Variants in TEAD1 observed in about 807,000 individuals in gnomAD.
TEAD1 encodes transcriptional enhancer factor TEF-1.
Under a neutral mutation model 54.9 loss-of-function variants are expected in TEAD1, and 9 were observed. The ratio of observed to expected loss-of-function variants is 0.16; its 90% confidence interval spans 0.10 to 0.29. TEAD1 has a LOEUF of 0.29. Ranked by LOEUF, TEAD1 falls within the 10% of genes least tolerant of loss-of-function variation. TEAD1 has a pLI of 1.00. For synonymous variants in TEAD1, 200 were observed against 187.8 expected, an observed-to-expected ratio of 1.07 and a Z score of -0.53; for missense variants, 387 against 535.9, an observed-to-expected ratio of 0.72 and a Z score of 2.74.
intron 12 of TEAD1, among the ~76,000 whole-genome samples, chr11:12,933,625 C>T (rs550460023): frequency 1.7e-4 from 26 of 152,138 alleles, no homozygotes; most frequent in East Asian, 3.9e-4. Flanking sequence ...AGTGTGGAAT[C>T]GCAGATTGGG....
rs1737814733 is a variant in TEAD1 at position 12,883,139 on chromosome 11, G to T, written c.699+14G>T. ...GACCCAGACTCGGTGAGTGTGCCCA[G>T]AGAGGTGTGTCTTGAATCCAGGATT... On this transcript the variant is annotated intron_variant, in intron 9 of 12. Coordinates refer to ENST00000527636, the MANE Select transcript of TEAD1 (RefSeq NM_021961.6). 1.2e-6 allele frequency: 2 copies of T among 1,614,146 alleles called. No homozygotes were observed. Among genetic ancestry groups the T allele is most frequent in the Middle Eastern group, 1.6e-4 (1 of 6,062 alleles).
At chr11:12,793,986 A>G (rs935976373) in intron 3 of TEAD1, among the ~76,000 whole-genome samples, 3 of 152,232 alleles carry the variant, frequency 2.0e-5, no homozygotes, top group South Asian at 2.1e-4. Flanking sequence ...GGAAGCAGCT[A>G]TTTCATTCTT....
At chr11:12,845,671 G>A (rs1077267) in intron 3 of TEAD1, among the ~76,000 whole-genome samples, 10,407 of 152,264 alleles carry the variant, frequency 0.068, 1,200 homozygotes, top group African/African-American at 0.23. Flanking sequence ...TACTGTTGTT[G>A]TAAAACAGTT....
At chr11:12,891,842 C>G (rs1334743136) in intron 9 of TEAD1, among the ~76,000 whole-genome samples, 2 of 152,212 alleles carry the variant, frequency 1.3e-5, no homozygotes, top group Non-Finnish European at 2.9e-5. Context: ...TTGATTTGGG[C>G]TCCAGGACAG....
chr11:12,708,001 A>G lies in TEAD1; in HGVS notation c.-55+32440A>G, dbSNP rs113242994. Among the ~76,000 whole-genome samples, 309 of 152,336 alleles carry G rather than the reference A, an allele frequency of 2.0e-3. 1 individual carries two copies. The highest frequency in any genetic ancestry group is 6.6e-3 in the African/African-American group (273 of 41,582). On this transcript the variant is annotated intron_variant, in intron 2 of 12. Coordinates refer to ENST00000527636, the MANE Select transcript of TEAD1 (RefSeq NM_021961.6). The stretch of plus-strand genomic sequence containing the variant: ...GACTGGTGGCAGTGGTTTTTATTTC[A>G]TAGAACTTTCTTTTCTGTTGTTGAG...
intron 3 of TEAD1, among the ~76,000 whole-genome samples, chr11:12,852,566 GCCT>G (rs978638609): frequency 6.6e-6 from 1 of 151,502 alleles, no homozygotes; most frequent in African/African-American, 2.4e-5. Context: ...CCTTGCCTCA[GCCT>G]CCCTAGTAGC....
Position 12,703,597 on chromosome 11 carries a change from C to T in TEAD1, c.-55+28036C>T, listed in dbSNP as rs570379314. On this transcript the variant is annotated intron_variant, in intron 2 of 12. Coordinates refer to ENST00000527636, the MANE Select transcript of TEAD1 (RefSeq NM_021961.6). ...TACAGCCACTTTCACCATCATCCTT[C>T]GTTGTTGTTCTTCTTCCTCCTAAAC... Among the ~76,000 whole-genome samples, 6 of 152,310 alleles carry T rather than the reference C, an allele frequency of 3.9e-5. No individual in the cohort carries two copies. The East Asian group carries it at 9.7e-4, about 25-fold the overall frequency.
In TEAD1 at chr11:12,916,336, G is replaced by C. The variant is rs535625325; in HGVS notation, c.874-8576G>C. Among the ~76,000 whole-genome samples, 175 of 152,250 alleles carry C rather than the reference G, an allele frequency of 1.1e-3. 1 individual carries two copies. Among genetic ancestry groups the C allele is most frequent in the Non-Finnish European group, 2.0e-3 (134 of 68,026 alleles). ...TGTGCCACACACCCGACAAACGTGG[G>C]TTGGGGCCAAGACTGGCTCCATGGT... On this transcript the variant is annotated intron_variant, in intron 10 of 12. Transcript: ENST00000527636.
At chr11:12,893,206 G>A (rs1948234311) in intron 9 of TEAD1, among the ~76,000 whole-genome samples, 1 of 152,218 alleles carries the variant, frequency 6.6e-6, no homozygotes, top group South Asian at 2.1e-4. Flanking sequence ...TCTAACGGTT[G>A]GCTCTGCTTA....
chr11:12,864,666 C>T, intron 4 of TEAD1, 172 bp from the exon 5 acceptor site: 18 of 1,119,368 alleles, frequency 1.6e-5, no homozygotes, highest in Non-Finnish European at 2.1e-5. Context: ...TGTTTCCCCT[C>T]ATAAACCCGA....
chr11:12,832,171 A>G (rs981095005), intron 3 of TEAD1, among the ~76,000 whole-genome samples: 1 of 152,224 alleles, frequency 6.6e-6, no homozygotes, highest in Admixed American at 6.5e-5. Flanking sequence ...TTTGTTTACA[A>G]TTCTAAGCTT....
intron 3 of TEAD1, among the ~76,000 whole-genome samples, chr11:12,799,116 G>A (rs1302846026): frequency 6.6e-6 from 1 of 152,170 alleles, no homozygotes; most frequent in Non-Finnish European, 1.5e-5. Context: ...GGAAACATGA[G>A]AAATACATGT....
intron 3 of TEAD1, among the ~76,000 whole-genome samples, chr11:12,817,721 A>G (rs1946444598): frequency 6.6e-6 from 1 of 152,220 alleles, no homozygotes; most frequent in Non-Finnish European, 1.5e-5. Flanking sequence ...TTGCAATGGG[A>G]CCAAACTATA....
chr11:12,882,063 C>A, intron 8 of TEAD1, 106 bp downstream of exon 8: 1 of 1,231,086 alleles, frequency 8.1e-7, no homozygotes, highest in Non-Finnish European at 1.2e-6. Context: ...TTGCCACAGC[C>A]GCACATTGCC....
At chr11:12,776,567 A>C (rs1945423815) in intron 3 of TEAD1, among the ~76,000 whole-genome samples, 1 of 152,052 alleles carries the variant, frequency 6.6e-6, no homozygotes. Flanking sequence ...AGTGTGCTAC[A>C]GATTCTCATT....
intron 3 of TEAD1, among the ~76,000 whole-genome samples, chr11:12,816,609 G>T (rs1946422107): frequency 6.6e-6 from 1 of 152,182 alleles, no homozygotes; most frequent in African/African-American, 2.4e-5. Context: ...TTTTTCTCCT[G>T]GTGATGCAGT....
intron 9 of TEAD1, 75 bp downstream of exon 9, chr11:12,883,200 T>C (rs1379973064): frequency 4.4e-6 from 7 of 1,607,062 alleles, no homozygotes; most frequent in Non-Finnish European, 5.9e-6. Flanking sequence ...TGCTTCTCTT[T>C]CTTTCCTCCT....
chr11:12,845,584 A>T (rs538258854), intron 3 of TEAD1, among the ~76,000 whole-genome samples: 6 of 152,214 alleles, frequency 3.9e-5, no homozygotes, highest in Non-Finnish European at 8.8e-5. Context: ...TGATGGCTAA[A>T]TGGGAACTGC....
chr11:12,867,039 GCTCA>G (rs2134075074), intron 5 of TEAD1, among the ~76,000 whole-genome samples: 1 of 152,266 alleles, frequency 6.6e-6, no homozygotes, highest in Admixed American at 6.5e-5. Context: ...CCTCATTTAA[GCTCA>G]CTATGAAGTG....
Sources: allele counts gnomAD v4.1 joint callset (sites outside exome capture counted in the v4.1 genomes callset), GRCh38; gene constraint gnomAD v4.1.1; transcripts MANE v1.5; gene names NCBI Gene and HGNC (gene_info 2026-07-23, HGNC 2026-07-21).